Variants in PDE10A observed in about 807,000 individuals in gnomAD.
The protein encoded by PDE10A is phosphodiesterase 10A.
PDE10A carries 39 observed loss-of-function variants against 97.7 expected under a neutral mutation model. The observed-to-expected ratio is 0.40, with a 90% CI of 0.31 to 0.52. The LOEUF is 0.52. PDE10A is among the 20% of genes least tolerant of loss of function. The probability of loss-of-function intolerance (pLI) is 0.56; values close to 1 mark genes in which losing one functional copy is unlikely to be tolerated. For missense variants in PDE10A, 731 were observed against 1,047.8 expected (o/e 0.70, Z 4.17); for synonymous variants, 371 against 376.8 (o/e 0.98, Z 0.18).
chr6:165,946,278 C>T (rs964872970), intron 1 of PDE10A, among the ~76,000 whole-genome samples: 4 of 152,202 alleles, frequency 2.6e-5, no homozygotes, highest in South Asian at 2.1e-4. Flanking sequence ...GGGTGGATCA[C>T]GAGGTCAGGA....
chr6:165,596,505 G>C (rs532256484), intron 1 of PDE10A, among the ~76,000 whole-genome samples: 50 of 152,268 alleles, frequency 3.3e-4, no homozygotes, highest in Non-Finnish European at 6.6e-4. Context: ...GAGGTGAGAG[G>C]ATCACCTGAG....
intron 1 of PDE10A, among the ~76,000 whole-genome samples, chr6:165,937,215 C>T (rs1783362047): frequency 6.6e-6 from 1 of 152,198 alleles, no homozygotes. Context: ...GCCATTGCCA[C>T]TTGTCTAATC....
At position 165,671,711 on chromosome 6, in the gene PDE10A, C is replaced by CAT. The variant is rs958714970; in HGVS notation, c.-614-128145_-614-128144dup. Among the ~76,000 whole-genome samples, 20 of 151,466 alleles carry CAT rather than the reference C, an allele frequency of 1.3e-4. No homozygotes were observed. Among genetic ancestry groups the CAT allele is most frequent in the African/African-American group, 4.6e-4 (19 of 40,866 alleles). On this transcript the variant is annotated intron_variant, in intron 1 of 19. Coordinates refer to the PDE10A transcript ENST00000366882. This position sits in a 1 kb window ranked among gnomAD's most constrained non-coding sequence, Gnocchi z 4.6. ...GCTAGATATCACACACACACACACA[C>CAT]ATATATATAGTGTGCTTTATATCAT...
chr6:165,369,248 A>C (rs942269086), intron 18 of PDE10A, among the ~76,000 whole-genome samples: 37 of 152,208 alleles, frequency 2.4e-4, no homozygotes, highest in Non-Finnish European at 4.8e-4. Context: ...TGACGAGCTG[A>C]GAGCAGAAGG....
At chr6:165,904,639 CT>C (rs1204950413) in intron 1 of PDE10A, among the ~76,000 whole-genome samples, 1 of 152,146 alleles carries the variant, frequency 6.6e-6, no homozygotes, top group Non-Finnish European at 1.5e-5. Context: ...ATCTCCTATA[CT>C]TCAGATTATT....
chr6:165,608,473 G>T (rs538758937), intron 1 of PDE10A, among the ~76,000 whole-genome samples: 1 of 152,036 alleles, frequency 6.6e-6, no homozygotes, highest in Admixed American at 6.5e-5. Flanking sequence ...AGTATTCCAT[G>T]GTGTATATGT....
At chr6:165,784,119 G>A (rs978496841) in intron 1 of PDE10A, among the ~76,000 whole-genome samples, 4 of 151,986 alleles carry the variant, frequency 2.6e-5, no homozygotes, top group South Asian at 2.1e-4. Context: ...TCGGGAGGCT[G>A]AGGCAGGAGA....
intron 1 of PDE10A, among the ~76,000 whole-genome samples, chr6:165,608,925 T>C (rs547331020): frequency 6.6e-6 from 1 of 152,380 alleles, no homozygotes; most frequent in South Asian, 2.1e-4. Context: ...GAGAAGTGTC[T>C]GTTCATATCC....
intron 1 of PDE10A, among the ~76,000 whole-genome samples, chr6:165,853,002 T>C (rs1171938693): frequency 1.3e-5 from 2 of 152,252 alleles, no homozygotes; most frequent in Non-Finnish European, 2.9e-5. Context: ...ATACCTGCTT[T>C]TCCACATGTT....
Position 165,361,256 on chromosome 6 carries a change from C to G in PDE10A, c.2784-17754G>C, listed in dbSNP as rs114164489. 6.8e-3 allele frequency among the ~76,000 whole-genome samples: 1,030 copies of G among 152,190 alleles called. 9 individuals are homozygous for G. Among genetic ancestry groups the G allele is most frequent in the African/African-American group, 0.024 (990 of 41,520 alleles). On this transcript the variant is annotated intron_variant, in intron 18 of 21. Coordinates refer to ENST00000539869, the MANE Select transcript of PDE10A (RefSeq NM_001385079.1). ...CACCAAACACCACAGAATATATATT[C>G]TTTTTGAGTACAGATGGAACATCCC...
In PDE10A at chr6:165,339,417, G is replaced by A. The variant is rs557226159; in HGVS notation, c.2896-59C>T. On this transcript the variant is annotated intron_variant, in intron 19 of 21. Coordinates refer to ENST00000539869, the MANE Select transcript of PDE10A (RefSeq NM_001385079.1). ...AAATTTCAAATTGCTATACTATTTT[G>A]ATATTATTGAATTATTCCCTTTATT... 1.8e-3 allele frequency: 1,839 copies of A among 1,001,720 alleles called. 7 individuals are homozygous for A. The highest frequency in any genetic ancestry group is 9.1e-3 in the Middle Eastern group (44 of 4,838). 62.1% of individuals were successfully genotyped at this position (1,001,720 alleles called of 1,614,324 possible). A position where few individuals can be genotyped will look rare whatever the true frequency, so the allele number is the denominator to read the frequency against.
intron 1 of PDE10A, among the ~76,000 whole-genome samples, chr6:165,761,446 G>T (rs1283086284): frequency 1.4e-5 from 2 of 146,634 alleles, no homozygotes; most frequent in Non-Finnish European, 3.0e-5. Context: ...GCCCCTCCAT[G>T]CGGGTCACCC....
chr6:165,571,577 T>C (rs897757079), intron 1 of PDE10A, among the ~76,000 whole-genome samples: 8 of 152,212 alleles, frequency 5.3e-5, no homozygotes, highest in African/African-American at 1.4e-4. Context: ...CTTGAAGAGA[T>C]AGTTCTCTCA....
At chr6:165,493,625 TAGA>T (rs1014196706) in intron 2 of PDE10A, among the ~76,000 whole-genome samples, 3 of 151,356 alleles carry the variant, frequency 2.0e-5, no homozygotes, top group Non-Finnish European at 4.4e-5. Context: ...GGGATAATTG[TAGA>T]AGAATGAAAC....
intron 18 of PDE10A, among the ~76,000 whole-genome samples, chr6:165,376,504 G>A (rs904262483): frequency 6.6e-6 from 1 of 152,208 alleles, no homozygotes; most frequent in African/African-American, 2.4e-5. Flanking sequence ...TAATGTTGAA[G>A]GAAGTTCTAC....
At position 165,433,089 on chromosome 6, in the gene PDE10A, G is replaced by C. The variant is rs200203578; in HGVS notation, c.1376C>G (p.Thr459Ser). The C allele has an allele frequency of 6.2e-7, 1 of 1,613,372 alleles. No individual in the cohort carries two copies. The highest frequency in any genetic ancestry group is 1.7e-5 in the Admixed American group (1 of 59,988). Residue 459 changes from threonine to serine, a missense_variant, in exon 7 of 22, where the codon ACT (threonine) becomes AGT (serine). By Grantham distance (58) the Thr-to-Ser change is moderately conservative. Coordinates refer to ENST00000539869, the MANE Select transcript of PDE10A (RefSeq NM_001385079.1). ...FPRGTGLESG[T>S]RIQSVLCLPI... ...TAAGCAAAGAACAGACTGGATACGA[G>C]TCCCTGATTCCAGTCCAGTACCTCT...
At chr6:165,796,673 C>T (rs1778841384) in intron 1 of PDE10A, among the ~76,000 whole-genome samples, 1 of 152,174 alleles carries the variant, frequency 6.6e-6, no homozygotes, top group Non-Finnish European at 1.5e-5. Context: ...AATCAACTCT[C>T]CTCAATGATT....
At chr6:165,856,568 A>C (rs1425701871) in intron 1 of PDE10A, among the ~76,000 whole-genome samples, 1 of 152,264 alleles carries the variant, frequency 6.6e-6, no homozygotes, top group African/African-American at 2.4e-5. Flanking sequence ...GCAATGTATT[A>C]AAACCACACA....
intron 1 of PDE10A, among the ~76,000 whole-genome samples, chr6:165,649,368 G>A (rs1203612298): frequency 1.3e-5 from 2 of 152,166 alleles, no homozygotes; most frequent in Non-Finnish European, 2.9e-5. Flanking sequence ...GGAAGAGTCA[G>A]TGAGGGGACA....
Sources: gnomAD v4.1 joint callset for allele counts (sites outside exome capture counted in the v4.1 genomes callset) on GRCh38, gnomAD v4.1.1 for gene constraint, Gnocchi (gnomAD v3.1) non-coding constraint, MANE v1.5 for transcripts, NCBI Gene and HGNC (gene_info 2026-07-23, HGNC 2026-07-21) for gene names.